The following NRG1 variants were observed in gnomAD, a reference collection of about 807,000 sequenced individuals.
NRG1 encodes the protein pro-neuregulin-1, membrane-bound isoform.
A neutral mutation model predicts 63.8 loss-of-function variants in NRG1; 18 were observed. The ratio of observed to expected loss-of-function variants is 0.28; its 90% confidence interval spans 0.19 to 0.42. The LOEUF (loss-of-function observed/expected upper bound fraction) is 0.42. Ranked by LOEUF, NRG1 falls within the 10% of genes least tolerant of loss-of-function variation. The pLI is 1.00. For missense variants in NRG1, 762 were observed against 814.7 expected, an observed-to-expected ratio of 0.94 and a Z score of 0.79; for synonymous variants, 302 against 301.3, an observed-to-expected ratio of 1.00 and a Z score of -0.02.
At chr8:32,410,192 T>TTC (rs1245799148) in intron 1 of NRG1, among the ~76,000 whole-genome samples, 1 of 145,892 alleles carries the variant, frequency 6.9e-6, no homozygotes, top group Non-Finnish European at 1.5e-5. Flanking sequence ...TTTTTTTTTT[T>TTC]TTTTTTGAGA....
intron 1 of NRG1, among the ~76,000 whole-genome samples, chr8:31,781,216 A>C (rs2131614015): frequency 6.6e-6 from 1 of 152,286 alleles, no homozygotes; most frequent in Non-Finnish European, 1.5e-5. Context: ...CTGACATGGA[A>C]CATTAATTTG....
chr8:32,171,680 C>T (rs953963532), intron 1 of NRG1, among the ~76,000 whole-genome samples: 12 of 152,128 alleles, frequency 7.9e-5, no homozygotes, highest in African/African-American at 1.9e-4. Context: ...TCTTAGCAAA[C>T]GGCACACCAG....
At chr8:31,831,101 TTTC>T (rs768819471) in intron 1 of NRG1, among the ~76,000 whole-genome samples, 24 of 150,980 alleles carry the variant, frequency 1.6e-4, no homozygotes, top group Non-Finnish European at 2.6e-4. Flanking sequence ...GCTCCTCCTC[TTTC>T]TTCTTTTTTT....
At chr8:31,754,284 G>A (rs1816754799) in intron 1 of NRG1, among the ~76,000 whole-genome samples, 1 of 152,078 alleles carries the variant, frequency 6.6e-6, no homozygotes, top group Admixed American at 6.5e-5. Context: ...CTAAATTATA[G>A]GGATGAGTTT....
At chr8:31,992,833 A>G (rs1221427985) in intron 1 of NRG1, among the ~76,000 whole-genome samples, 1 of 151,986 alleles carries the variant, frequency 6.6e-6, no homozygotes, top group Non-Finnish European at 1.5e-5. Flanking sequence ...AGTATGAAAT[A>G]TTTTTCCCAG....
chr8:32,608,083 GTTTTTTTTGTTTTTT>G (rs1310409346), intron 3 of NRG1, among the ~76,000 whole-genome samples: 266 of 99,320 alleles, frequency 2.7e-3, no homozygotes, highest in Middle Eastern at 6.8e-3. Context: ...ATGAACCCAG[GTTTTTTTTGTTTTTT>G]TTTTTTTTGT....
At chr8:32,686,864 T>C (rs1219982844) in intron 5 of NRG1, among the ~76,000 whole-genome samples, 1 of 152,080 alleles carries the variant, frequency 6.6e-6, no homozygotes, top group Non-Finnish European at 1.5e-5. Context: ...TGAAGACAGA[T>C]CATTTGGTAT....
chr8:32,047,636 A>T (rs2130768559), intron 1 of NRG1, among the ~76,000 whole-genome samples: 1 of 151,976 alleles, frequency 6.6e-6, no homozygotes, highest in Admixed American at 6.6e-5. Flanking sequence ...ATTCCTTTTT[A>T]TTTTTTAATT....
At chr8:31,702,205 T>C in intron 1 of NRG1, among the ~76,000 whole-genome samples, 1 of 152,180 alleles carries the variant, frequency 6.6e-6, no homozygotes, top group East Asian at 1.9e-4. Context: ...TGAATGGCTG[T>C]CGGCATCTTG....
chr8:32,736,254 C>T (rs1275479663), intron 6 of NRG1, among the ~76,000 whole-genome samples: 2 of 152,148 alleles, frequency 1.3e-5, no homozygotes, highest in African/African-American at 4.8e-5. Flanking sequence ...GAATGAGGTT[C>T]ATCTTGGAAA....
At chr8:31,911,335 A>T (rs1207648016) in intron 1 of NRG1, among the ~76,000 whole-genome samples, 2 of 152,292 alleles carry the variant, frequency 1.3e-5, no homozygotes, top group Non-Finnish European at 2.9e-5. Flanking sequence ...GAATCAATCT[A>T]AATGCTCACC....
rs532006401 is a variant in NRG1 at position 32,330,041 on chromosome 8, TAAAAAAAAAAAAAAAAAAAAA to T, written c.38-265767_38-265747del. ...GCATGTGCCTCCACACCTAGCTAATTAAAAAAAAAAAAAAAAAAAAAAAAAAAAAAAAAAAAAAAAGTGTGT... is the reference window on the plus strand; with the variant it reads ...GCATGTGCCTCCACACCTAGCTAATTAAAAAAAAAAAAAAAAAAAGTGTGT... On this transcript the variant is annotated intron_variant, in intron 1 of 10. Transcript: ENST00000519301. Among the ~76,000 whole-genome samples, 156 of 43,016 alleles carry T rather than the reference TAAAAAAAAAAAAAAAAAAAAA, an allele frequency of 3.6e-3. 1 individual carries two copies. The highest frequency in any genetic ancestry group is 0.019 in the Middle Eastern group (1 of 52). 28.2% of individuals were successfully genotyped at this position (43,016 alleles called of 152,430 possible). A position where few individuals can be genotyped will look rare whatever the true frequency, so the allele number is the denominator to read the frequency against.
In NRG1 at chr8:31,881,987, T is replaced by C. The variant is rs138409895; in HGVS notation, c.37+242556T>C. On this transcript the variant is annotated intron_variant, in intron 1 of 10. Transcript: ENST00000519301. Reference sequence around the variant, plus strand: ...ATCCAGAAGATCTAGCTAAGATTATTGATGAAGGTGGCTACACTAAACAAG... The same window carrying C: ...ATCCAGAAGATCTAGCTAAGATTATCGATGAAGGTGGCTACACTAAACAAG... Among the ~76,000 whole-genome samples, 17 of 152,272 alleles carry C rather than the reference T, an allele frequency of 1.1e-4. No individual in the cohort carries two copies. The East Asian group carries it at 3.3e-3, about 29-fold the overall frequency.
intron 1 of NRG1, among the ~76,000 whole-genome samples, chr8:32,050,439 AT>A (rs1172140387): frequency 6.6e-6 from 1 of 152,044 alleles, no homozygotes; most frequent in East Asian, 1.9e-4. Flanking sequence ...GACAACTAGT[AT>A]TTTTTTAATC....
chr8:32,413,709 T>A (rs1815442483), intron 1 of NRG1, among the ~76,000 whole-genome samples: 1 of 152,164 alleles, frequency 6.6e-6, no homozygotes, highest in Admixed American at 6.5e-5. Context: ...CTGAGGAACA[T>A]ATGATTGATC....
intron 1 of NRG1, among the ~76,000 whole-genome samples, chr8:31,858,330 A>T (rs1828135265): frequency 6.6e-6 from 1 of 152,032 alleles, no homozygotes; most frequent in Non-Finnish European, 1.5e-5. Flanking sequence ...GTTGCCGAAG[A>T]ACTCAACGTT....
At chr8:31,806,971 T>C (rs1038951141) in intron 1 of NRG1, among the ~76,000 whole-genome samples, 33 of 152,234 alleles carry the variant, frequency 2.2e-4, no homozygotes, top group African/African-American at 8.0e-4. Flanking sequence ...TAAAATTCTG[T>C]CTACAGAATA....
chr8:32,210,542 G>A (rs1038581), intron 1 of NRG1, among the ~76,000 whole-genome samples: 121,878 of 152,142 alleles, frequency 0.8, 49,545 homozygotes, highest in African/African-American at 0.92. Flanking sequence ...TCTGCCATGC[G>A]AAACTATCTC....
intron 5 of NRG1, among the ~76,000 whole-genome samples, chr8:32,663,535 GA>G (rs570312390): frequency 1.6e-4 from 25 of 152,230 alleles, no homozygotes; most frequent in South Asian, 1.5e-3. Context: ...TATTTATGAT[GA>G]AAATACACAG....
Sources: allele counts gnomAD v4.1 joint callset (sites outside exome capture counted in the v4.1 genomes callset), GRCh38; gene constraint gnomAD v4.1.1; transcripts MANE v1.5; gene names NCBI Gene and HGNC (gene_info 2026-07-23, HGNC 2026-07-21).